Variants in LRMDA observed in about 807,000 individuals in gnomAD.
LRMDA encodes the protein leucine-rich melanocyte differentiation-associated protein.
A neutral mutation model predicts 29.8 loss-of-function variants in LRMDA; 18 were observed. The observed-to-expected ratio is 0.60, with a 90% confidence interval of 0.42 to 0.90. LRMDA has a LOEUF of 0.90. LRMDA is among the 40% of genes least tolerant of loss of function. The pLI, the probability that LRMDA is intolerant of heterozygous loss-of-function variation, is 0.00. For synonymous variants in LRMDA, 125 were observed against 109.4 expected (o/e 1.14, Z -0.89); for missense variants, 273 against 273.9 (o/e 1.00, Z 0.02).
chr10:75,887,906 C>CT (rs1449291558), intron 2 of LRMDA, among the ~76,000 whole-genome samples: 1 of 152,162 alleles, frequency 6.6e-6, no homozygotes, highest in Non-Finnish European at 1.5e-5. Context: ...CTATGACCTC[C>CT]TGGAGATCCT....
rs562604504 is a variant in LRMDA, at chr10:76,517,411, A to G, written c.602-39798A>G. ...GCACAAGGCAGATTTCTTGGCATCAAAATGGAAGCAGGGAAGCAGTGGAAT... is the reference window on the plus strand; with the variant it reads ...GCACAAGGCAGATTTCTTGGCATCAGAATGGAAGCAGGGAAGCAGTGGAAT... On this transcript the variant is annotated intron_variant, in intron 6 of 6. Transcript: ENST00000611255. Among the ~76,000 whole-genome samples the G allele has an allele frequency of 2.0e-5, 3 of 152,268 alleles. No homozygotes were observed. In the East Asian group the frequency reaches 5.8e-4, roughly 29 times the overall value.
chr10:76,315,443 G>A (rs1289554444), intron 5 of LRMDA, among the ~76,000 whole-genome samples: 1 of 152,184 alleles, frequency 6.6e-6, no homozygotes, highest in African/African-American at 2.4e-5. Context: ...CTGCTCCCGG[G>A]CCTCTCCCTG....
intron 2 of LRMDA, among the ~76,000 whole-genome samples, chr10:75,874,671 T>C (rs1166116225): frequency 1.3e-5 from 2 of 152,204 alleles, no homozygotes; most frequent in African/African-American, 2.4e-5. Flanking sequence ...AGTGTAGTGA[T>C]GTTTCTACAA....
rs1258124898 is a variant in LRMDA at position 75,656,739 on chromosome 10, T to A, written c.131+218245T>A. On this transcript the variant is annotated intron_variant, in intron 2 of 6. Transcript: ENST00000611255. The stretch of plus-strand genomic sequence containing the variant: ...TATCTCCTCTGTTAAGAGATTAGAA[T>A]CTTAATCCTAAATGATATTTCATGG... Among the ~76,000 whole-genome samples the A allele has an allele frequency of 2.0e-5, 3 of 152,232 alleles. No individual in the cohort carries two copies. The East Asian group carries it at 5.8e-4, about 29-fold the overall frequency.
At chr10:76,178,626 G>C (rs1237678693) in intron 5 of LRMDA, among the ~76,000 whole-genome samples, 1 of 152,190 alleles carries the variant, frequency 6.6e-6, no homozygotes, top group Non-Finnish European at 1.5e-5. Flanking sequence ...TTCCCTACTT[G>C]ACAATTTTGC....
At chr10:75,462,941 C>T (rs1333250658) in intron 2 of LRMDA, among the ~76,000 whole-genome samples, 2 of 152,146 alleles carry the variant, frequency 1.3e-5, no homozygotes, top group Admixed American at 1.3e-4. Context: ...TAAAAAGCAG[C>T]AGTTGTAGAG....
chr10:76,185,690 G>T (rs569045561), intron 5 of LRMDA, among the ~76,000 whole-genome samples: 1 of 152,120 alleles, frequency 6.6e-6, no homozygotes, highest in Non-Finnish European at 1.5e-5. Flanking sequence ...CAGGATGCCG[G>T]GCACATTTGT....
chr10:75,695,943 T>C (rs1379983218), intron 2 of LRMDA, among the ~76,000 whole-genome samples: 2 of 152,178 alleles, frequency 1.3e-5, no homozygotes, highest in African/African-American at 4.8e-5. Context: ...AATGGACATA[T>C]ACGTTGAAAA....
chr10:75,663,285 A>G (rs961255161), intron 2 of LRMDA, among the ~76,000 whole-genome samples: 3 of 152,124 alleles, frequency 2.0e-5, no homozygotes, highest in South Asian at 2.1e-4. Context: ...AGTGGATTCC[A>G]TATTTGCTAT....
intron 2 of LRMDA, among the ~76,000 whole-genome samples, chr10:75,706,391 A>C (rs1396017013): frequency 1.3e-5 from 2 of 152,192 alleles, no homozygotes; most frequent in Non-Finnish European, 2.9e-5. Flanking sequence ...TTACTTGTAT[A>C]GTTCACAAGA....
intron 2 of LRMDA, among the ~76,000 whole-genome samples, chr10:75,541,567 C>T (rs902767959): frequency 1.3e-5 from 2 of 152,004 alleles, no homozygotes; most frequent in Non-Finnish European, 1.5e-5. Context: ...CTGAGAAATG[C>T]GTTTTCCTCC....
At chr10:76,012,577 G>A (rs774011834) in intron 2 of LRMDA, among the ~76,000 whole-genome samples, 24 of 152,100 alleles carry the variant, frequency 1.6e-4, no homozygotes, top group Non-Finnish European at 2.8e-4. Context: ...CCCGACCCCT[G>A]TAACCCCTCC....
At chr10:76,258,238 A>G (rs917939859) in intron 5 of LRMDA, among the ~76,000 whole-genome samples, 11 of 152,202 alleles carry the variant, frequency 7.2e-5, no homozygotes, top group African/African-American at 2.4e-4. Context: ...TTCAAGTAAC[A>G]TTGGCAGTAA....
At chr10:75,937,389 C>G (rs1002006424) in intron 2 of LRMDA, among the ~76,000 whole-genome samples, 1 of 152,204 alleles carries the variant, frequency 6.6e-6, no homozygotes, top group African/African-American at 2.4e-5. Flanking sequence ...CACAATTCCT[C>G]TTGTCAGCCG....
chr10:75,515,879 T>A (rs1444956973), intron 2 of LRMDA, among the ~76,000 whole-genome samples: 1 of 151,830 alleles, frequency 6.6e-6, no homozygotes, highest in Non-Finnish European at 1.5e-5. Flanking sequence ...CAGGCCCTAG[T>A]GTGTGTGATG....
intron 2 of LRMDA, among the ~76,000 whole-genome samples, chr10:75,947,501 T>C (rs1172651957): frequency 2.0e-5 from 3 of 152,176 alleles, no homozygotes; most frequent in African/African-American, 7.2e-5. Context: ...GAGGCCCATG[T>C]CCATTCCATG....
At chr10:76,508,872 A>C (rs1218029046) in intron 6 of LRMDA, among the ~76,000 whole-genome samples, 2 of 152,192 alleles carry the variant, frequency 1.3e-5, no homozygotes, top group Admixed American at 1.3e-4. Flanking sequence ...TGAAGGTGAT[A>C]GAACTACTAT....
At chr10:76,382,929 C>T (rs1841610211) in intron 6 of LRMDA, among the ~76,000 whole-genome samples, 1 of 152,192 alleles carries the variant, frequency 6.6e-6, no homozygotes, top group Non-Finnish European at 1.5e-5. Flanking sequence ...GAAATACAGC[C>T]AGCACACTGT....
At chr10:76,378,200 G>A (rs558064340) in intron 6 of LRMDA, among the ~76,000 whole-genome samples, 2 of 152,192 alleles carry the variant, frequency 1.3e-5, no homozygotes, top group East Asian at 3.9e-4. Context: ...TATTTTTGGT[G>A]TATAGAAATG....
Sources: allele counts gnomAD v4.1 joint callset (sites outside exome capture counted in the v4.1 genomes callset), GRCh38; gene constraint gnomAD v4.1.1; transcripts MANE v1.5; gene names NCBI Gene and HGNC (gene_info 2026-07-23, HGNC 2026-07-21).